VCAM1: variants seen among roughly 807,000 people sequenced by gnomAD.
VCAM1 encodes the protein vascular cell adhesion protein 1.
Under a neutral mutation model 63.8 loss-of-function variants are expected in VCAM1, and 41 were observed. The ratio of observed to expected loss-of-function variants is 0.64; its 90% CI spans 0.50 to 0.83. The LOEUF (loss-of-function observed/expected upper bound fraction) is 0.83, where lower values mean the gene tolerates loss of function less well. VCAM1 is among the 40% of genes least tolerant of loss of function. The pLI is 0.00. For synonymous variants in VCAM1, 338 were observed against 320.7 expected, an observed-to-expected ratio of 1.05 and a Z score of -0.58; for missense variants, 798 against 875.5, an observed-to-expected ratio of 0.91 and a Z score of 1.12.
chr1:100,727,448 A>T (rs1660213047), intron 4 of VCAM1, among the ~76,000 whole-genome samples: 1 of 152,154 alleles, frequency 6.6e-6, no homozygotes, highest in East Asian at 1.9e-4. Context: ...TTATACTAAT[A>T]AAAGTGTGTA....
At chr1:100,722,786 A>G (rs560072645) in intron 2 of VCAM1, among the ~76,000 whole-genome samples, 1 of 152,236 alleles carries the variant, frequency 6.6e-6, no homozygotes, top group South Asian at 2.1e-4. Context: ...CTGTAATAAC[A>G]TGCAACTCTT....
intron 7 of VCAM1, 127 bp downstream of exon 7, chr1:100,732,811 A>G (rs538891158): frequency 1.9e-6 from 2 of 1,063,916 alleles, no homozygotes; most frequent in East Asian, 2.8e-5. Flanking sequence ...TGAAGAGTTT[A>G]TGATGTTTCC....
intron 8 of VCAM1, chr1:100,737,141 C>T (rs182105184): frequency 6.6e-6 from 1 of 152,190 alleles, no homozygotes; most frequent in Non-Finnish European, 1.5e-5. Flanking sequence ...ACCTACTGTA[C>T]TCCATTTACA....
At chr1:100,736,136 T>G (rs1660638663) in intron 8 of VCAM1, 3 of 152,224 alleles carry the variant, frequency 2.0e-5, no homozygotes, top group African/African-American at 7.2e-5. Flanking sequence ...TCAAACCTGC[T>G]TCTCTACTTT....
At chr1:100,721,453 C>T (rs1052360864) in intron 2 of VCAM1, among the ~76,000 whole-genome samples, 8 of 151,998 alleles carry the variant, frequency 5.3e-5, no homozygotes, top group South Asian at 4.1e-4. Flanking sequence ...CTCCATTCTC[C>T]ATTCAGCAAA....
At position 100,729,185 on chromosome 1, in the gene VCAM1, G is replaced by T; in HGVS notation, c.1007G>T (p.Ser336Ile). Residue 336 changes from serine (S) to isoleucine (I), a missense_variant, in exon 5 of 9, where the codon AGT becomes ATT. Ser to Ile is a moderately radical substitution (Grantham distance 142, BLOSUM62 -2). Transcript: ENST00000294728. ...GGAGACTCAGTCATGTTGACATGTA[G>T]TGTCATGGGCTGTGAATCCCCATCT... ...QIGDSVMLTC[S>I]VMGCESPSFS... The T allele has an allele frequency of 1.2e-6, 2 of 1,613,522 alleles. No homozygotes were observed. Among genetic ancestry groups the T allele is most frequent in the Non-Finnish European group, 1.7e-6 (2 of 1,179,678 alleles).
At position 100,724,642 on chromosome 1, in the gene VCAM1, T is replaced by C. The variant is rs2100825457; in HGVS notation, c.680T>C (p.Val227Ala). The C allele has an allele frequency of 6.2e-7, 1 of 1,612,808 alleles. No homozygotes were observed. Among genetic ancestry groups the C allele is most frequent in the Non-Finnish European group, 8.5e-7 (1 of 1,179,240 alleles). Residue 227 changes from valine to alanine, a missense_variant, in exon 4 of 9, where the codon GTT becomes GCT. Coordinates refer to ENST00000294728, the MANE Select transcript of VCAM1 (RefSeq NM_001078.4). The part of the protein sequence containing the change: ...LQVYISPKNT[V>A]ISVNPSTKLQ... ...CTTTCAGTATCACCCAAGAATACAG[T>C]TATTTCTGTGAATCCATCCACAAAG...
chr1:100,729,371 T>A lies in VCAM1; in HGVS notation c.1193T>A (p.Val398Glu). 6.2e-7 allele frequency: 1 copy of A among 1,603,366 alleles called. No homozygotes were observed. The highest frequency in any genetic ancestry group is 2.2e-5 in the East Asian group (1 of 44,538). The change falls in exon 5 of 9, where the codon GTG becomes GAG. Residue 398 changes from valine to glutamate, a missense_variant. By Grantham distance (121) the Val-to-Glu change is moderately radical (BLOSUM62 -2). Transcript: ENST00000294728. The part of the protein sequence containing the change: ...GHKKLEKGIQ[V>E]ELYSFPRDPE... ...AAGAAACTGGAAAAGGGAATCCAGG[T>A]GGAGCTCTACTGTAAGTGGTTTTCA...
intron 1 of VCAM1, 59 bp from the exon 2 acceptor site, chr1:100,720,417 G>A: frequency 1.3e-6 from 2 of 1,550,656 alleles, no homozygotes; most frequent in Non-Finnish European, 1.7e-6. Context: ...AGAGAAGAAG[G>A]AGGAGAATAC....
chr1:100,721,448 T>C (rs999332985), intron 2 of VCAM1, among the ~76,000 whole-genome samples: 2 of 152,066 alleles, frequency 1.3e-5, no homozygotes, highest in African/African-American at 4.8e-5. Context: ...TCCCACTCCA[T>C]TCTCCATTCA....
intron 4 of VCAM1, among the ~76,000 whole-genome samples, chr1:100,728,021 G>A (rs1215273141): frequency 6.6e-6 from 1 of 151,932 alleles, no homozygotes; most frequent in African/African-American, 2.4e-5. Flanking sequence ...TTTTTATGGG[G>A]GGGTCTTATC....
rs765906375 is a variant in VCAM1, at chr1:100,720,602, A to G, written c.191A>G (p.Asp64Gly). The change falls in exon 2 of 9, where the codon GAT (aspartate) becomes GGT (glycine). Residue 64 changes from aspartate to glycine, a missense_variant. By Grantham distance (94) the Asp-to-Gly change is moderately conservative (BLOSUM62 -1). Transcript: ENST00000294728. ...SPFFSWRTQI[D>G]SPLNGKVTNE... The stretch of plus-strand genomic sequence containing the variant: ...TTTTTCTCTTGGAGAACCCAGATAG[A>G]TAGTCCACTGAATGGGAAGGTGACG... The G allele has an allele frequency of 2.5e-6, 4 of 1,613,226 alleles. No homozygotes were observed. The highest frequency in any genetic ancestry group is 3.3e-5 in the Admixed American group (2 of 59,876).
intron 8 of VCAM1, chr1:100,737,906 A>G (rs1007637746): frequency 5.2e-6 from 2 of 382,208 alleles, no homozygotes; most frequent in Non-Finnish European, 4.7e-6. Flanking sequence ...GCCAACAACT[A>G]TCATCTTTAG....
intron 4 of VCAM1, among the ~76,000 whole-genome samples, chr1:100,727,078 T>TGTGTGTGTGTGA (rs748939317): frequency 1.0e-4 from 15 of 148,662 alleles, no homozygotes; most frequent in African/African-American, 2.9e-4. Context: ...TGTGTGTGTG[T>TGTGTGTGTGTGA]GAATGTTTGG....
intron 7 of VCAM1, 143 bp from the exon 8 acceptor site, chr1:100,734,359 C>A: frequency 1.2e-6 from 1 of 863,834 alleles, no homozygotes; most frequent in Non-Finnish European, 1.7e-6. Context: ...CAATGCTTGA[C>A]TTCTTTACTT....
intron 5 of VCAM1, among the ~76,000 whole-genome samples, chr1:100,729,857 T>C (rs992232114): frequency 3.9e-5 from 6 of 151,994 alleles, no homozygotes; most frequent in African/African-American, 9.7e-5. Context: ...AGAAGTTAGA[T>C]TGGGGATGGG....
At chr1:100,735,705 C>T (rs1400930595) in intron 8 of VCAM1, 1 of 152,202 alleles carries the variant, frequency 6.6e-6, no homozygotes, top group African/African-American at 2.4e-5. Context: ...TTTCCATCTT[C>T]ACAGTACCTC....
At chr1:100,732,831 A>G (rs994604766) in intron 7 of VCAM1, 147 bp downstream of exon 7, 91 of 868,544 alleles carry the variant, frequency 1.0e-4, no homozygotes, top group East Asian at 9.6e-4. Context: ...CAATGTATGG[A>G]GAAATCTCCT....
chr1:100,734,724 A>T lies in VCAM1; in HGVS notation c.2015A>T (p.Asn672Ile). 1.2e-6 allele frequency: 2 copies of T among 1,613,970 alleles called. No homozygotes were observed. Among genetic ancestry groups the T allele is most frequent in the South Asian group, 2.2e-5 (2 of 91,072 alleles). ...DAGVYECESK[N>I]KVGSQLRSLT... Reference sequence around the variant, plus strand: ...GGAGTATATGAATGTGAATCTAAAAACAAAGTTGGCTCACAATTAAGAAGT... The same window carrying T: ...GGAGTATATGAATGTGAATCTAAAATCAAAGTTGGCTCACAATTAAGAAGT... The change falls in exon 8 of 9, where the codon AAC becomes ATC. Residue 672 changes from asparagine (N) to isoleucine (I), a missense_variant. Physicochemically the swap from Asn to Ile is moderately radical, Grantham distance 149. Transcript: ENST00000294728.
Sources: gnomAD v4.1 joint callset for allele counts (sites outside exome capture counted in the v4.1 genomes callset) on GRCh38, gnomAD v4.1.1 for gene constraint, MANE v1.5 for transcripts, NCBI Gene and HGNC (gene_info 2026-07-23, HGNC 2026-07-21) for gene names.